RFX7: variants seen among roughly 807,000 people sequenced by gnomAD.
RFX7 encodes regulatory factor X7.
Under a neutral mutation model 111.8 loss-of-function variants are expected in RFX7, and 26 were observed. The observed-to-expected ratio is 0.23, with a 90% CI of 0.17 to 0.32. RFX7 has a LOEUF of 0.32. RFX7 is among the 10% of genes least tolerant of loss of function. The probability of loss-of-function intolerance (pLI) is 1.00; values close to 1 mark genes in which losing one functional copy is unlikely to be tolerated. For missense variants in RFX7, 1,573 were observed against 1,772.9 expected (o/e 0.89, Z 2.02); for synonymous variants, 624 against 624.4 (o/e 1.00, Z 0.01).
rs74018320 is a variant in RFX7, at chr15:56,123,354, T to C, written c.401+19424A>G. On this transcript the variant is annotated intron_variant, in intron 5 of 9. Transcript: ENST00000559447. ...TTCTGGCCCAGGGTGTGTCTAGAAA[T>C]GTCATTTGGGAGCTAGAGCCTGAAA... Among the ~76,000 whole-genome samples, 525 of 152,206 alleles carry C rather than the reference T, an allele frequency of 3.4e-3. 4 individuals carry two copies. The highest frequency in any genetic ancestry group is 0.012 in the African/African-American group (496 of 41,548).
intron 3 of RFX7, among the ~76,000 whole-genome samples, chr15:56,164,764 A>C (rs1367707262): frequency 6.6e-6 from 1 of 152,154 alleles, no homozygotes; most frequent in African/African-American, 2.4e-5. Context: ...ATGTGTGCCC[A>C]GAAAGTTGGT....
chr15:56,093,324 C>T lies in RFX7; in HGVS notation c.*21G>A. 2 of 1,577,646 alleles carry T rather than the reference C, an allele frequency of 1.3e-6. No individual in the cohort carries two copies. Among genetic ancestry groups the T allele is most frequent in the African/African-American group, 2.7e-5 (2 of 74,546 alleles). On this transcript the variant is annotated 3_prime_UTR_variant, in exon 10 of 10. Coordinates refer to ENST00000559447, the MANE Select transcript of RFX7 (RefSeq NM_022841.7). ...TACATATGTCTTTAGATACAGTGTGCTACATGTTATAAAACACAATTTAAC... is the reference window on the plus strand; with the variant it reads ...TACATATGTCTTTAGATACAGTGTGTTACATGTTATAAAACACAATTTAAC...
chr15:56,135,755 C>T (rs2042292652), intron 5 of RFX7, among the ~76,000 whole-genome samples: 1 of 151,802 alleles, frequency 6.6e-6, no homozygotes, highest in Admixed American at 6.6e-5. Flanking sequence ...TTAGGTCTAA[C>T]ATTTAAGTCT....
chr15:56,244,572 A>T (rs1424409832), upstream of RFX7, among the ~76,000 whole-genome samples: 1 of 126,608 alleles, frequency 7.9e-6, no homozygotes, highest in Non-Finnish European at 1.7e-5. Context: ...GTTCCCCTCC[A>T]CCTCCCCACC....
At position 56,141,656 on chromosome 15, in the gene RFX7, A is replaced by AATATATATATATATATATATAT. The variant is rs368258249; in HGVS notation, c.401+1121_401+1122insATATATATATATATATATATAT. Among the ~76,000 whole-genome samples the AATATATATATATATATATATAT allele has an allele frequency of 5.4e-3, 449 of 83,090 alleles. 42 individuals are homozygous for AATATATATATATATATATATAT. Among genetic ancestry groups the AATATATATATATATATATATAT allele is most frequent in the African/African-American group, 0.017 (261 of 15,240 alleles). 54.5% of individuals were successfully genotyped at this position (83,090 alleles called of 152,430 possible). A position where few individuals can be genotyped will look rare whatever the true frequency, so the allele number is the denominator to read the frequency against. ...TAATGAAGAATCTATGCTTACTCTA[A>AATATATATATATATATATATAT]ATATATATATATATATATATGCATA... On this transcript the variant is annotated intron_variant, in intron 5 of 9. Coordinates refer to ENST00000559447, the MANE Select transcript of RFX7 (RefSeq NM_022841.7).
chr15:56,196,980 T>C (rs1241698662), intron 2 of RFX7, among the ~76,000 whole-genome samples: 1 of 152,160 alleles, frequency 6.6e-6, no homozygotes, highest in Admixed American at 6.5e-5. Context: ...CCAAATTGCC[T>C]TTCAAGGTAA....
chr15:56,114,729 C>T (rs1471777191), intron 5 of RFX7, among the ~76,000 whole-genome samples: 1 of 151,934 alleles, frequency 6.6e-6, no homozygotes, highest in Non-Finnish European at 1.5e-5. Context: ...TCATATATGA[C>T]CCTCCTTAAC....
At chr15:56,193,481 T>G (rs2043119179) in intron 2 of RFX7, among the ~76,000 whole-genome samples, 1 of 152,228 alleles carries the variant, frequency 6.6e-6, no homozygotes, top group African/African-American at 2.4e-5. Context: ...TAATTGATAA[T>G]GACAGGCATT....
intron 3 of RFX7, among the ~76,000 whole-genome samples, chr15:56,148,038 C>T (rs1198129885): frequency 6.6e-6 from 1 of 152,180 alleles, no homozygotes; most frequent in African/African-American, 2.4e-5. Flanking sequence ...CAAATTTAGG[C>T]AGAACCTCAA....
intron 3 of RFX7, among the ~76,000 whole-genome samples, chr15:56,153,600 T>C (rs2042607304): frequency 6.6e-6 from 1 of 152,224 alleles, no homozygotes; most frequent in Non-Finnish European, 1.5e-5. Context: ...CACCCCTTCA[T>C]GCTAAAACCT....
chr15:56,127,225 C>A (rs1474369698), intron 5 of RFX7, among the ~76,000 whole-genome samples: 1 of 151,708 alleles, frequency 6.6e-6, no homozygotes, highest in African/African-American at 2.4e-5. Context: ...TAAATTCCTA[C>A]ATAATCAATG....
rs182860423 is a variant in RFX7, at chr15:56,097,796, A to C, written c.1107+285T>G. Among the ~76,000 whole-genome samples, 21 of 148,548 alleles carry C rather than the reference A, an allele frequency of 1.4e-4. No homozygotes were observed. In the East Asian group the frequency reaches 4.1e-3, roughly 29 times the overall value. On this transcript the variant is annotated intron_variant, in intron 9 of 9. Coordinates refer to ENST00000559447, the MANE Select transcript of RFX7 (RefSeq NM_022841.7). Reference sequence around the variant, plus strand: ...ATCTTGGCTCAGCCAGGGATGAAACAACTCTAAAAATGAGAAAATTACTCA... The same window carrying C: ...ATCTTGGCTCAGCCAGGGATGAAACCACTCTAAAAATGAGAAAATTACTCA...
intron 2 of RFX7, chr15:56,193,339 C>A (rs1444237509): frequency 6.6e-6 from 1 of 152,148 alleles, no homozygotes; most frequent in Non-Finnish European, 1.5e-5. Flanking sequence ...AGCAGACGGG[C>A]AGCCTCTGAG....
chr15:56,104,241 G>A (rs1330231400), intron 5 of RFX7, among the ~76,000 whole-genome samples: 1 of 152,130 alleles, frequency 6.6e-6, no homozygotes, highest in African/African-American at 2.4e-5. Flanking sequence ...AGTATTGCTA[G>A]GAAAAAAGTT....
chr15:56,146,337 C>T (rs1366450305), intron 3 of RFX7, among the ~76,000 whole-genome samples: 1 of 152,052 alleles, frequency 6.6e-6, no homozygotes, highest in African/African-American at 2.4e-5. Flanking sequence ...CCTGCCTGGC[C>T]TCAAGTGATC....
At chr15:56,242,912 G>GT (rs762878809) in intron 2 of RFX7, among the ~76,000 whole-genome samples, 26 of 152,166 alleles carry the variant, frequency 1.7e-4, no homozygotes, top group Non-Finnish European at 3.5e-4. Context: ...TGAGGAAGGG[G>GT]TAAAAGCATT....
At chr15:56,143,352 CAT>C (rs1372695100) in intron 4 of RFX7, among the ~76,000 whole-genome samples, 24 of 63,576 alleles carry the variant, frequency 3.8e-4, no homozygotes, top group African/African-American at 8.2e-4. Flanking sequence ...TACATATATA[CAT>C]ACACACACAC....
chr15:56,094,757 C>T lies in RFX7; in HGVS notation c.2971G>A (p.Asp991Asn). 1 of 1,613,240 alleles carries T rather than the reference C, an allele frequency of 6.2e-7. No individual in the cohort carries two copies. Residue 991 changes from aspartate (D) to asparagine (N), a missense_variant, in exon 10 of 10, where the codon GAT becomes AAT. Around this residue, in one of 7 missense-constraint regions of RFX7, gnomAD observed 625 missense variants for 632.2 expected, o/e 0.99. Coordinates refer to ENST00000559447, the MANE Select transcript of RFX7 (RefSeq NM_022841.7). Reference sequence around the variant, plus strand: ...TGTCGGCTACTTCCTAAAGCACTATCCACAGGTGTAGTCTGGGCTAGCCTG... The same window carrying T: ...TGTCGGCTACTTCCTAAAGCACTATTCACAGGTGTAGTCTGGGCTAGCCTG... ...CSRLAQTTPV[D>N]SALGSSRHTP...
intron 3 of RFX7, among the ~76,000 whole-genome samples, chr15:56,167,266 T>A (rs1177162573): frequency 6.6e-6 from 1 of 152,084 alleles, no homozygotes; most frequent in African/African-American, 2.4e-5. Context: ...TGAGCTATGA[T>A]CATGGCACTG....
Sources: allele counts gnomAD v4.1 joint callset (sites outside exome capture counted in the v4.1 genomes callset), GRCh38; gene constraint gnomAD v4.1.1; regional missense constraint gnomAD v4.1.1; transcripts MANE v1.5; gene names NCBI Gene and HGNC (gene_info 2026-07-23, HGNC 2026-07-21).